The following ERBB4 variants were observed in gnomAD, a reference collection of about 807,000 sequenced individuals.
ERBB4 encodes erb-b2 receptor tyrosine kinase 4.
In ERBB4, 42 loss-of-function variants were observed where a neutral mutation model predicts 158.0. The observed-to-expected ratio is 0.27, with a 90% CI of 0.21 to 0.34. The LOEUF (loss-of-function observed/expected upper bound fraction) is 0.34, where lower values mean the gene tolerates loss of function less well. ERBB4 is among the 10% of genes least tolerant of loss of function. The pLI is 1.00. For missense variants in ERBB4, 1,333 were observed against 1,624.1 expected (o/e 0.82, Z 3.08); for synonymous variants, 583 against 558.7 (o/e 1.04, Z -0.61).
chr2:211,678,362 T>G (rs2072184554), intron 13 of ERBB4, among the ~76,000 whole-genome samples: 1 of 148,948 alleles, frequency 6.7e-6, no homozygotes, highest in Admixed American at 6.7e-5. Flanking sequence ...ATGAAATTTA[T>G]AGAGAAGTAT....
intron 1 of ERBB4, among the ~76,000 whole-genome samples, chr2:212,179,737 T>G (rs897046985): frequency 6.6e-6 from 1 of 151,670 alleles, no homozygotes; most frequent in Non-Finnish European, 1.5e-5. Flanking sequence ...TGATAGATAT[T>G]TGAGCTAGAA....
chr2:211,519,008 T>C (rs2066117206), intron 20 of ERBB4, among the ~76,000 whole-genome samples: 1 of 152,068 alleles, frequency 6.6e-6, no homozygotes, highest in East Asian at 1.9e-4. Context: ...CCTTCCAACT[T>C]CCAGTTGTGA....
intron 20 of ERBB4, among the ~76,000 whole-genome samples, chr2:211,437,954 A>T (rs909634285): frequency 3.9e-5 from 6 of 152,220 alleles, no homozygotes; most frequent in Admixed American, 2.6e-4. Context: ...AAAGAAAGGG[A>T]TCTTTTTGGA....
chr2:212,099,722 A>T (rs1054921759), intron 2 of ERBB4, among the ~76,000 whole-genome samples: 3 of 137,220 alleles, frequency 2.2e-5, no homozygotes, highest in Non-Finnish European at 4.6e-5. Context: ...AGCTCTATAT[A>T]GCTTTGTTTT....
At chr2:211,480,560 C>A (rs758191228) in intron 20 of ERBB4, among the ~76,000 whole-genome samples, 1 of 152,088 alleles carries the variant, frequency 6.6e-6, no homozygotes. Context: ...GCTGCCTGTA[C>A]AAGCCATGGA....
chr2:211,808,399 CT>C (rs550141954), intron 3 of ERBB4, among the ~76,000 whole-genome samples: 2 of 151,122 alleles, frequency 1.3e-5, no homozygotes, highest in African/African-American at 2.4e-5. Flanking sequence ...TTCCCCATTG[CT>C]TTTTTTTTGT....
intron 3 of ERBB4, among the ~76,000 whole-genome samples, chr2:211,799,776 CTAT>C (rs574938374): frequency 1.4e-4 from 22 of 151,952 alleles, no homozygotes; most frequent in Non-Finnish European, 2.5e-4. Flanking sequence ...AGTTGATGTA[CTAT>C]TATTATTATT....
intron 20 of ERBB4, among the ~76,000 whole-genome samples, chr2:211,439,532 T>C (rs1026606138): frequency 1.3e-5 from 2 of 152,218 alleles, no homozygotes; most frequent in African/African-American, 4.8e-5. Context: ...TTTATGTATA[T>C]GGTCATATAG....
chr2:212,491,563 T>G (rs1346044486), intron 1 of ERBB4, among the ~76,000 whole-genome samples: 1 of 151,630 alleles, frequency 6.6e-6, no homozygotes, highest in Non-Finnish European at 1.5e-5. Flanking sequence ...AGGTCTATCT[T>G]GGTAGATATA....
chr2:212,122,469 C>T lies in ERBB4; in HGVS notation c.234+2283G>A, dbSNP rs144069780. On this transcript the variant is annotated intron_variant, in intron 2 of 27. Transcript: ENST00000342788. ...ACATATATTAAAATAAAGATATGCA[C>T]ATGGATTAGTACAAAGTTTAGATGA... 7.0e-3 allele frequency among the ~76,000 whole-genome samples: 1,063 copies of T among 152,120 alleles called. 7 individuals carry two copies. The highest frequency in any genetic ancestry group is 0.024 in the Middle Eastern group (7 of 294).
intron 2 of ERBB4, among the ~76,000 whole-genome samples, chr2:212,096,152 C>T (rs2078927406): frequency 1.3e-5 from 2 of 151,838 alleles, no homozygotes; most frequent in African/African-American, 4.8e-5. Flanking sequence ...GAGAGTTGTG[C>T]TTCACAGAGA....
chr2:211,552,310 A>C (rs575242893), intron 20 of ERBB4, among the ~76,000 whole-genome samples: 1 of 152,308 alleles, frequency 6.6e-6, no homozygotes, highest in African/African-American at 2.4e-5. Context: ...TAAATGGTAG[A>C]ATCAGTCTGT....
chr2:211,381,975 T>G lies in ERBB4; in HGVS notation c.*1640A>C, dbSNP rs1195962408. On this transcript the variant is annotated 3_prime_UTR_variant, in exon 28 of 28. Transcript: ENST00000342788. ...TTCTCATCCTTCATCTCATCAGGTATTCTTTCAAAATGATACATAATAATG... is the reference window on the plus strand; with the variant it reads ...TTCTCATCCTTCATCTCATCAGGTAGTCTTTCAAAATGATACATAATAATG... 2 of 229,426 alleles carry G rather than the reference T, an allele frequency of 8.7e-6. No homozygotes were observed. Among genetic ancestry groups the G allele is most frequent in the Non-Finnish European group, 8.6e-6 (1 of 115,762 alleles). The allele number at this position is 229,426 out of a possible 1,614,324, so 14.2% of individuals were successfully genotyped here. A position where few individuals can be genotyped will look rare whatever the true frequency, so the allele number is the denominator to read the frequency against.
At chr2:211,717,660 C>T (rs1337210488) in intron 7 of ERBB4, among the ~76,000 whole-genome samples, 1 of 149,306 alleles carries the variant, frequency 6.7e-6, no homozygotes, top group Non-Finnish European at 1.5e-5. Context: ...GAAACCCAGG[C>T]TCCACTAAAA....
intron 12 of ERBB4, among the ~76,000 whole-genome samples, chr2:211,689,779 A>C (rs2072723072): frequency 6.6e-6 from 1 of 151,988 alleles, no homozygotes. Flanking sequence ...ATCGTTATAT[A>C]CAGTGTTTAC....
chr2:212,275,858 C>T (rs749810776), intron 1 of ERBB4, among the ~76,000 whole-genome samples: 5 of 151,800 alleles, frequency 3.3e-5, no homozygotes, highest in Admixed American at 6.6e-5. Context: ...GGGCTAAATG[C>T]CCCAATTAAA....
intron 2 of ERBB4, among the ~76,000 whole-genome samples, chr2:211,970,628 A>G (rs369596794): frequency 2.7e-4 from 41 of 152,264 alleles, no homozygotes; most frequent in African/African-American, 9.4e-4. Flanking sequence ...CCACTATGTA[A>G]TGACCTTCTT....
chr2:212,440,684 T>C (rs1031131817), intron 1 of ERBB4, among the ~76,000 whole-genome samples: 1 of 152,146 alleles, frequency 6.6e-6, no homozygotes, highest in Non-Finnish European at 1.5e-5. Context: ...TCTAATCATA[T>C]GGAGAACACT....
intron 1 of ERBB4, among the ~76,000 whole-genome samples, chr2:212,260,421 T>C (rs982099161): frequency 6.6e-6 from 1 of 152,232 alleles, no homozygotes; most frequent in African/African-American, 2.4e-5. Flanking sequence ...CAAAGTTTTC[T>C]ACAAATTCAT....
Sources: allele counts gnomAD v4.1 joint callset (sites outside exome capture counted in the v4.1 genomes callset), GRCh38; gene constraint gnomAD v4.1.1; transcripts MANE v1.5; gene names NCBI Gene and HGNC (gene_info 2026-07-23, HGNC 2026-07-21).